CNOT6: variants seen among roughly 807,000 people sequenced by gnomAD.
CNOT6 encodes the protein carbon catabolite repression 4 protein.
CNOT6 carries 12 observed loss-of-function variants against 61.2 expected under a neutral mutation model. The observed-to-expected ratio is 0.20, with a 90% CI of 0.13 to 0.32. The LOEUF is 0.32. Ranked by LOEUF, CNOT6 falls within the 10% of genes least tolerant of loss-of-function variation. The pLI, the probability that CNOT6 is intolerant of heterozygous loss-of-function variation, is 1.00. For synonymous variants in CNOT6, 225 were observed against 240.6 expected (o/e 0.94, Z 0.60); for missense variants, 405 against 663.9 (o/e 0.61, Z 4.28).
At chr5:180,505,103 C>T (rs992237401) in intron 1 of CNOT6, among the ~76,000 whole-genome samples, 1 of 150,874 alleles carries the variant, frequency 6.6e-6, no homozygotes, top group African/African-American at 2.4e-5. Context: ...GGACTACAGG[C>T]CTCTGCCACC....
chr5:180,523,893 T>C (rs1289566767), intron 1 of CNOT6, among the ~76,000 whole-genome samples: 1 of 152,218 alleles, frequency 6.6e-6, no homozygotes, highest in Non-Finnish European at 1.5e-5. Context: ...TTTGCACCAC[T>C]AACTTTCCCA....
chr5:180,534,309 C>A, intron 2 of CNOT6: 1 of 181,436 alleles, frequency 5.5e-6, no homozygotes, highest in South Asian at 1.3e-4. Flanking sequence ...GCCCAGTACC[C>A]CTGCGATGAT....
intron 4 of CNOT6, among the ~76,000 whole-genome samples, chr5:180,558,389 C>T (rs908149912): frequency 2.4e-4 from 37 of 152,012 alleles, no homozygotes; most frequent in African/African-American, 8.0e-4. Flanking sequence ...AGACCTTGGG[C>T]GGTTAGGGCT....
intron 1 of CNOT6, chr5:180,495,469 TC>T (rs1024484379): frequency 6.6e-6 from 1 of 152,228 alleles, no homozygotes; most frequent in African/African-American, 2.4e-5. Flanking sequence ...TTTACCTCCT[TC>T]ACCTTCCCCG....
Position 180,501,521 on chromosome 5 carries a change from G to A in CNOT6, c.-3+6758G>A, listed in dbSNP as rs553078925. 2.6e-5 allele frequency among the ~76,000 whole-genome samples: 4 copies of A among 152,278 alleles called. No individual in the cohort carries two copies. In the South Asian group the frequency reaches 8.3e-4, roughly 32 times the overall value. On this transcript the variant is annotated intron_variant, in intron 1 of 11. Transcript: ENST00000261951. Reference sequence around the variant, plus strand: ...GAGCGGTTTGGGGTTTGATAGATTTGGTCATTGTATAGTTGGCATTGGAAG... The same window carrying A: ...GAGCGGTTTGGGGTTTGATAGATTTAGTCATTGTATAGTTGGCATTGGAAG...
Position 180,575,903 on chromosome 5 carries a change from T to C in CNOT6, c.*1703T>C, listed in dbSNP as rs189599761. 1 of 152,730 alleles carries C rather than the reference T, an allele frequency of 6.5e-6. No individual in the cohort carries two copies. The highest frequency in any genetic ancestry group is 2.4e-5 in the African/African-American group (1 of 41,578). 9.5% of individuals were successfully genotyped at this position (152,730 alleles called of 1,614,324 possible). Reference sequence around the variant, plus strand: ...GAAATGATTCTTATGTTTTTTTTTTTTCTCCTTTTAGAAAATTCTCCAAAA... The same window carrying C: ...GAAATGATTCTTATGTTTTTTTTTTCTCTCCTTTTAGAAAATTCTCCAAAA... On this transcript the variant is annotated 3_prime_UTR_variant, in exon 12 of 12. Coordinates refer to ENST00000261951, the MANE Select transcript of CNOT6 (RefSeq NM_001370472.1).
intron 1 of CNOT6, among the ~76,000 whole-genome samples, chr5:180,528,009 C>G (rs939177316): frequency 2.0e-5 from 3 of 152,178 alleles, no homozygotes; most frequent in Non-Finnish European, 2.9e-5. Flanking sequence ...CCACCCCACC[C>G]TCCCCAAATC....
chr5:180,558,586 C>T (rs1243397412), intron 4 of CNOT6, among the ~76,000 whole-genome samples: 1 of 147,772 alleles, frequency 6.8e-6, no homozygotes, highest in Non-Finnish European at 1.5e-5. Flanking sequence ...TTGAGTTCTG[C>T]TCTTTAGTAT....
intron 3 of CNOT6, among the ~76,000 whole-genome samples, chr5:180,551,477 A>T (rs997084127): frequency 6.6e-6 from 1 of 152,116 alleles, no homozygotes; most frequent in Non-Finnish European, 1.5e-5. Context: ...GCCTCAAAAG[A>T]TCCTCCCATC....
At chr5:180,500,181 T>C (rs1756807273) in intron 1 of CNOT6, among the ~76,000 whole-genome samples, 1 of 151,896 alleles carries the variant, frequency 6.6e-6, no homozygotes, top group African/African-American at 2.4e-5. Flanking sequence ...TCACCCAGGC[T>C]GGAGTGATGA....
At chr5:180,547,609 C>T (rs561274915) in intron 2 of CNOT6, among the ~76,000 whole-genome samples, 1 of 152,288 alleles carries the variant, frequency 6.6e-6, no homozygotes, top group South Asian at 2.1e-4. Context: ...ATCTTTGCTC[C>T]TCCCATATGA....
chr5:180,529,175 G>GT lies in CNOT6; in HGVS notation c.-2-99dup, dbSNP rs966106433. ...ATCGTGCCACTGCACTCCAGCCTGG[G>GT]TGACAGAGTCAGACTTCGTCTCAAA... On this transcript the variant is annotated intron_variant, in intron 1 of 11. Transcript: ENST00000261951. The GT allele has an allele frequency of 7.1e-6, 5 of 703,488 alleles. No individual in the cohort carries two copies. In the African/African-American group the frequency reaches 9.3e-5, roughly 13 times the overall value. 43.6% of individuals were successfully genotyped at this position (703,488 alleles called of 1,614,324 possible).
chr5:180,513,036 C>A (rs570529514), intron 1 of CNOT6, among the ~76,000 whole-genome samples: 3 of 152,186 alleles, frequency 2.0e-5, no homozygotes, highest in African/African-American at 7.2e-5. Flanking sequence ...GCTGGGACTA[C>A]AGGTGCCCGC....
At chr5:180,519,949 T>G (rs1487453736) in intron 1 of CNOT6, among the ~76,000 whole-genome samples, 1 of 152,022 alleles carries the variant, frequency 6.6e-6, no homozygotes. Flanking sequence ...TTCTCCTGCC[T>G]TAGCCCCTTG....
At chr5:180,567,280 GTATT>G in intron 8 of CNOT6, 38 bp downstream of exon 8, 10 of 1,575,816 alleles carry the variant, frequency 6.3e-6, no homozygotes, top group Non-Finnish European at 8.6e-6. Flanking sequence ...CGTTTTCTCA[GTATT>G]TGCAGGGTGG....
chr5:180,519,107 C>T (rs375457648), intron 1 of CNOT6, among the ~76,000 whole-genome samples: 2 of 152,164 alleles, frequency 1.3e-5, no homozygotes, highest in South Asian at 2.1e-4. Context: ...ATCAGGGACA[C>T]GTGTGCTGTA....
At chr5:180,535,307 CT>C (rs1230515524) in intron 2 of CNOT6, among the ~76,000 whole-genome samples, 2 of 152,176 alleles carry the variant, frequency 1.3e-5, no homozygotes, top group Non-Finnish European at 2.9e-5. Context: ...ACTTTTTCAC[CT>C]TTTTCGCCCT....
chr5:180,543,122 G>A (rs1230549476), intron 2 of CNOT6, among the ~76,000 whole-genome samples: 2 of 151,912 alleles, frequency 1.3e-5, no homozygotes, highest in Non-Finnish European at 2.9e-5. Context: ...GCAGTGGCAC[G>A]GTCTCTGGTC....
At chr5:180,540,749 TTC>T (rs1297369368) in intron 2 of CNOT6, among the ~76,000 whole-genome samples, 3 of 152,208 alleles carry the variant, frequency 2.0e-5, no homozygotes. Context: ...GCACCTGTAT[TTC>T]TGTTTCTCCT....
Sources: allele counts gnomAD v4.1 joint callset (sites outside exome capture counted in the v4.1 genomes callset), GRCh38; gene constraint gnomAD v4.1.1; transcripts MANE v1.5; gene names NCBI Gene and HGNC (gene_info 2026-07-23, HGNC 2026-07-21).